Variants in IGSF11 observed in about 807,000 individuals in gnomAD.
The protein encoded by IGSF11 is CXADR like 1.
In IGSF11, 22 loss-of-function variants were observed where a neutral mutation model predicts 41.0. The ratio of observed to expected loss-of-function variants is 0.54; its 90% confidence interval spans 0.38 to 0.77. IGSF11 has a LOEUF of 0.77. Among genes scored for constraint, IGSF11 ranks in the 30% least tolerant of loss-of-function variants. The probability of loss-of-function intolerance (pLI) is 0.00; values close to 1 mark genes in which losing one functional copy is unlikely to be tolerated. For synonymous variants in IGSF11, 219 were observed against 201.3 expected (o/e 1.09, Z -0.74); for missense variants, 444 against 530.8 (o/e 0.84, Z 1.61).
intron 1 of IGSF11, among the ~76,000 whole-genome samples, chr3:118,969,032 T>C (rs147392600): frequency 3.3e-5 from 5 of 152,294 alleles, no homozygotes; most frequent in Non-Finnish European, 7.3e-5. Flanking sequence ...GTATCTGCTC[T>C]ATGCCCACCA....
At chr3:119,011,961 G>A (rs550205249) in intron 1 of IGSF11, among the ~76,000 whole-genome samples, 26 of 151,012 alleles carry the variant, frequency 1.7e-4, no homozygotes, top group Non-Finnish European at 3.4e-4. Context: ...GTGTGTGTGT[G>A]TGTGTGTGTA....
In IGSF11 at chr3:118,997,285, T is replaced by C. The variant is rs80211719; in HGVS notation, c.52+37246A>G. Among the ~76,000 whole-genome samples the C allele has an allele frequency of 4.0e-4, 61 of 152,328 alleles. 3 individuals carry two copies. In the East Asian group the frequency reaches 0.012, roughly 29 times the overall value. ...TCTACGGTAAACAGGACTAAGACTA[T>C]TTTAGATAATCATAAACTAAGTTAA... On this transcript the variant is annotated intron_variant, in intron 1 of 6. Coordinates refer to ENST00000393775, the MANE Select transcript of IGSF11 (RefSeq NM_001015887.3).
intron 1 of IGSF11, among the ~76,000 whole-genome samples, chr3:119,130,326 T>C (rs2077464168): frequency 1.3e-5 from 2 of 152,336 alleles, no homozygotes; most frequent in Admixed American, 6.5e-5. Flanking sequence ...TGATAGACTG[T>C]ACCTGGAAAA....
chr3:119,030,899 G>C (rs139334201), intron 1 of IGSF11, among the ~76,000 whole-genome samples: 311 of 152,246 alleles, frequency 2.0e-3, no homozygotes, highest in African/African-American at 7.3e-3. Flanking sequence ...ATTCAGTGTT[G>C]AGAGAGTATA....
chr3:119,059,317 A>C (rs1941977675), intron 1 of IGSF11, among the ~76,000 whole-genome samples: 1 of 152,124 alleles, frequency 6.6e-6, no homozygotes, highest in African/African-American at 2.4e-5. Context: ...GAGGAATGTA[A>C]AACCAAACAT....
intron 1 of IGSF11, among the ~76,000 whole-genome samples, chr3:119,078,667 A>G (rs1000998208): frequency 5.3e-5 from 8 of 152,218 alleles, no homozygotes; most frequent in Non-Finnish European, 1.2e-4. Context: ...CAAAGATTTC[A>G]TGATGAAGAC....
chr3:118,995,241 A>C (rs1936152739), intron 1 of IGSF11, among the ~76,000 whole-genome samples: 1 of 152,218 alleles, frequency 6.6e-6, no homozygotes, highest in South Asian at 2.1e-4. Flanking sequence ...TCACCTAAGT[A>C]ATCACTTTTC....
chr3:118,917,807 AAG>A (rs1323557636), intron 4 of IGSF11, among the ~76,000 whole-genome samples: 2 of 151,350 alleles, frequency 1.3e-5, no homozygotes, highest in Non-Finnish European at 2.9e-5. Context: ...ACAACCAAAA[AAG>A]AGAATTTTAG....
At chr3:118,934,913 T>C (rs546131629) in intron 1 of IGSF11, among the ~76,000 whole-genome samples, 1 of 152,312 alleles carries the variant, frequency 6.6e-6, no homozygotes, top group South Asian at 2.1e-4. Flanking sequence ...TGGTTTGCTT[T>C]GTTCCAAACC....
upstream of IGSF11, chr3:119,105,227 G>A (rs753019589): frequency 5.6e-6 from 8 of 1,417,806 alleles, no homozygotes; most frequent in East Asian, 1.6e-4. Flanking sequence ...GAGAACAGGG[G>A]AAGAGAGACT....
chr3:119,032,542 T>C (rs775950846), intron 1 of IGSF11, among the ~76,000 whole-genome samples: 8 of 152,184 alleles, frequency 5.3e-5, no homozygotes, highest in Non-Finnish European at 1.0e-4. Flanking sequence ...TTTTTGGCTC[T>C]TTCTCCCTTG....
chr3:119,004,018 G>C (rs1387382494), intron 1 of IGSF11, among the ~76,000 whole-genome samples: 3 of 152,018 alleles, frequency 2.0e-5, no homozygotes, highest in Non-Finnish European at 4.4e-5. Context: ...TTATTGATTG[G>C]AATAGGTTCA....
chr3:118,916,074 C>T lies in IGSF11; in HGVS notation c.580+10027G>A, dbSNP rs1437708481. 4.5e-3 allele frequency among the ~76,000 whole-genome samples: 677 copies of T among 149,596 alleles called. 11 individuals are homozygous for T. The highest frequency in any genetic ancestry group is 0.016 in the African/African-American group (637 of 39,804). ...CAAATGCTGAGAGATTTTGTCACCACCAAGCCTGCCCTAAAAGAGCTCCTG... is the reference window on the plus strand; with the variant it reads ...CAAATGCTGAGAGATTTTGTCACCATCAAGCCTGCCCTAAAAGAGCTCCTG... On this transcript the variant is annotated intron_variant, in intron 4 of 6. Coordinates refer to ENST00000393775, the MANE Select transcript of IGSF11 (RefSeq NM_001015887.3).
intron 1 of IGSF11, among the ~76,000 whole-genome samples, chr3:118,960,096 C>G (rs1477300534): frequency 2.0e-5 from 3 of 151,328 alleles, no homozygotes; most frequent in African/African-American, 7.3e-5. Context: ...AGGTTATACA[C>G]CCAGGTAATA....
At position 119,131,322 on chromosome 3, in the gene IGSF11, A is replaced by G. The variant is rs554666959; in HGVS notation, c.-14+14491T>C. Among the ~76,000 whole-genome samples the G allele has an allele frequency of 2.0e-4, 31 of 152,286 alleles. No individual in the cohort carries two copies. The East Asian group carries it at 3.9e-3, about 19-fold the overall frequency. On this transcript the variant is annotated intron_variant, in intron 1 of 7. Transcript: ENST00000425327. ...AAACCTTGAAAAAAAGGTTAGATGAATGGGTACTAGAATAAACAGTGGAGA... is the reference window on the plus strand; with the variant it reads ...AAACCTTGAAAAAAAGGTTAGATGAGTGGGTACTAGAATAAACAGTGGAGA...
At chr3:118,931,574 A>C (rs1285712509) in intron 1 of IGSF11, among the ~76,000 whole-genome samples, 1 of 152,174 alleles carries the variant, frequency 6.6e-6, no homozygotes, top group Non-Finnish European at 1.5e-5. Context: ...CCACACATAT[A>C]AAATGTCTAG....
chr3:119,116,763 C>T (rs895476943), intron 1 of IGSF11, among the ~76,000 whole-genome samples: 2 of 152,168 alleles, frequency 1.3e-5, no homozygotes, highest in African/African-American at 4.8e-5. Flanking sequence ...GCAAATAACA[C>T]CATTATGGTA....
chr3:119,053,238 G>C (rs1212177651), intron 1 of IGSF11, among the ~76,000 whole-genome samples: 1 of 151,994 alleles, frequency 6.6e-6, no homozygotes, highest in Admixed American at 6.6e-5. Flanking sequence ...TGTTTTCTAG[G>C]TATAGATCAT....
chr3:118,944,385 C>A (rs1206335681), intron 1 of IGSF11, among the ~76,000 whole-genome samples: 4 of 151,044 alleles, frequency 2.6e-5, no homozygotes, highest in Admixed American at 2.6e-4. Context: ...CCACAGTGGG[C>A]TTTTCTCAGG....
Sources: gnomAD v4.1 joint callset for allele counts (sites outside exome capture counted in the v4.1 genomes callset) on GRCh38, gnomAD v4.1.1 for gene constraint, MANE v1.5 for transcripts, NCBI Gene and HGNC (gene_info 2026-07-23, HGNC 2026-07-21) for gene names.